The following RASSF3 variants were observed in gnomAD, a reference collection of about 807,000 sequenced individuals.
RASSF3 encodes the protein ras association domain-containing protein 3.
A neutral mutation model predicts 19.9 loss-of-function variants in RASSF3; 19 were observed. The observed-to-expected ratio is 0.96, with a 90% CI of 0.67 to 1.40. The LOEUF (loss-of-function observed/expected upper bound fraction) is 1.40, where lower values mean the gene tolerates loss of function less well. Ranked by LOEUF, RASSF3 falls within the 40% of genes most tolerant of loss-of-function variation. The probability of loss-of-function intolerance (pLI) is 0.00; values close to 1 mark genes in which losing one functional copy is unlikely to be tolerated. For synonymous variants in RASSF3, 110 were observed against 104.2 expected (o/e 1.06, Z -0.34); for missense variants, 306 against 289.8 (o/e 1.06, Z -0.41).
chr12:64,596,546 C>T (rs1870001688), intron 2 of RASSF3, among the ~76,000 whole-genome samples: 1 of 152,098 alleles, frequency 6.6e-6, no homozygotes, highest in Non-Finnish European at 1.5e-5. Flanking sequence ...GCATGTGTCC[C>T]TCGCTAAATG....
intron 1 of RASSF3, among the ~76,000 whole-genome samples, chr12:64,613,993 G>A (rs893117541): frequency 6.6e-6 from 1 of 152,118 alleles, no homozygotes; most frequent in African/African-American, 2.4e-5. Context: ...AACATATGAC[G>A]TTTTGTGGCA....
At chr12:64,676,707 G>T (rs1253945023) in intron 1 of RASSF3, among the ~76,000 whole-genome samples, 1 of 151,878 alleles carries the variant, frequency 6.6e-6, no homozygotes, top group Non-Finnish European at 1.5e-5. Flanking sequence ...CTGACTGCAG[G>T]TGATCTATCC....
chr12:64,660,014 A>ATGTG (rs35834353), intron 1 of RASSF3, among the ~76,000 whole-genome samples: 8,510 of 148,306 alleles, frequency 0.057, 842 homozygotes, highest in African/African-American at 0.2. Flanking sequence ...GTGTATATAT[A>ATGTG]TGTGTGTGTG....
intron 1 of RASSF3, among the ~76,000 whole-genome samples, chr12:64,625,363 C>G (rs1870949504): frequency 6.6e-6 from 1 of 152,104 alleles, no homozygotes; most frequent in Admixed American, 6.6e-5. Flanking sequence ...GCAAGCCACT[C>G]CAGTTGAAAG....
At chr12:64,524,004 C>T (rs1003875509) in intron 1 of RASSF3, among the ~76,000 whole-genome samples, 1 of 151,044 alleles carries the variant, frequency 6.6e-6, no homozygotes, top group Non-Finnish European at 1.5e-5. Flanking sequence ...AGAGAAGGCT[C>T]CCAAATCCCA....
intron 2 of RASSF3, among the ~76,000 whole-genome samples, chr12:64,593,049 A>T (rs1267011408): frequency 6.6e-6 from 1 of 152,214 alleles, no homozygotes; most frequent in African/African-American, 2.4e-5. Flanking sequence ...GAATTACCTC[A>T]TTAAAAAAAT....
chr12:64,652,113 AAT>A (rs1871977088), intron 1 of RASSF3, among the ~76,000 whole-genome samples: 1 of 152,224 alleles, frequency 6.6e-6, no homozygotes, highest in African/African-American at 2.4e-5. Context: ...CATATTTTGC[AAT>A]ATATTGGTTA....
chr12:64,592,940 G>A (rs1422623375), intron 2 of RASSF3, among the ~76,000 whole-genome samples: 4 of 151,916 alleles, frequency 2.6e-5, no homozygotes, highest in Non-Finnish European at 5.9e-5. Flanking sequence ...GTGCATGACT[G>A]GCGTTTGCTC....
At chr12:64,577,339 G>A (rs967522787) in intron 2 of RASSF3, among the ~76,000 whole-genome samples, 2 of 152,170 alleles carry the variant, frequency 1.3e-5, no homozygotes, top group African/African-American at 2.4e-5. Context: ...GCCATTTAGC[G>A]CTACAATGTT....
At chr12:64,541,203 A>C (rs61933867) in intron 1 of RASSF3, among the ~76,000 whole-genome samples, 55,501 of 150,990 alleles carry the variant, frequency 0.37, 11,153 homozygotes, top group East Asian at 0.67. Flanking sequence ...CCAGGCTGGT[A>C]TTGAACTCCT....
intron 1 of RASSF3, among the ~76,000 whole-genome samples, chr12:64,611,810 G>A (rs1870375762): frequency 6.6e-6 from 1 of 152,230 alleles, no homozygotes; most frequent in Non-Finnish European, 1.5e-5. Context: ...TGTCAGGGTG[G>A]TCTTGCCAGA....
chr12:64,629,149 C>G (rs965088284), intron 1 of RASSF3, among the ~76,000 whole-genome samples: 1 of 151,574 alleles, frequency 6.6e-6, no homozygotes, highest in South Asian at 2.1e-4. Flanking sequence ...GTCGTCCAGG[C>G]TGGAGTACAG....
chr12:64,566,085 C>CAGCT (rs1029601317), intron 2 of RASSF3, among the ~76,000 whole-genome samples: 1 of 151,646 alleles, frequency 6.6e-6, no homozygotes, highest in African/African-American at 2.4e-5. Flanking sequence ...CCTATAGTCC[C>CAGCT]AGCTACTCAG....
intron 1 of RASSF3, among the ~76,000 whole-genome samples, chr12:64,637,312 A>G (rs1462000913): frequency 2.0e-5 from 3 of 152,202 alleles, no homozygotes; most frequent in African/African-American, 7.2e-5. Flanking sequence ...TTCTGTAGAA[A>G]AAGCATTGGT....
chr12:64,578,031 C>T (rs1169064770), intron 2 of RASSF3, among the ~76,000 whole-genome samples: 1 of 151,928 alleles, frequency 6.6e-6, no homozygotes, highest in Non-Finnish European at 1.5e-5. Flanking sequence ...CCAGCCTGGC[C>T]AACTTGGTGA....
chr12:64,627,071 A>G (rs1871021642), intron 1 of RASSF3, among the ~76,000 whole-genome samples: 1 of 152,188 alleles, frequency 6.6e-6, no homozygotes, highest in South Asian at 2.1e-4. Context: ...AAATCAGATA[A>G]TGTATGTGGA....
chr12:64,616,401 GA>G (rs914121744), intron 1 of RASSF3, among the ~76,000 whole-genome samples: 19 of 151,318 alleles, frequency 1.3e-4, no homozygotes, highest in Non-Finnish European at 2.1e-4. Flanking sequence ...TTTTCTGGGA[GA>G]AAAAAAAACT....
In RASSF3 at chr12:64,665,047, C is replaced by CA. The variant is rs564487546; in HGVS notation, c.112-19739dup. 1.7e-4 allele frequency among the ~76,000 whole-genome samples: 26 copies of CA among 152,222 alleles called. No individual in the cohort carries two copies. In the South Asian group the frequency reaches 4.1e-3, roughly 24 times the overall value. ...TTGTACCCTTCCACCTCTAAAAAGT[C>CA]AGAGTTCAGGATGAAAAGGTATGAA... On this transcript the variant is annotated intron_variant, in intron 1 of 4. Transcript: ENST00000542104.
At chr12:64,636,321 C>T (rs1358983745) in intron 1 of RASSF3, among the ~76,000 whole-genome samples, 1 of 151,810 alleles carries the variant, frequency 6.6e-6, no homozygotes, top group Non-Finnish European at 1.5e-5. Flanking sequence ...TGCCATGTTG[C>T]CAGGCTGGTC....
Sources: allele counts gnomAD v4.1 joint callset (sites outside exome capture counted in the v4.1 genomes callset), GRCh38; gene constraint gnomAD v4.1.1; transcripts MANE v1.5; gene names NCBI Gene and HGNC (gene_info 2026-07-23, HGNC 2026-07-21).